The following RHCG variants were observed in gnomAD, a reference collection of about 807,000 sequenced individuals.
The protein encoded by RHCG is Rh family C glycoprotein.
In RHCG, 39 loss-of-function variants were observed where a neutral mutation model predicts 55.3. The observed-to-expected ratio is 0.70, with a 90% CI of 0.55 to 0.92. The LOEUF (loss-of-function observed/expected upper bound fraction) is 0.92, where lower values mean the gene tolerates loss of function less well. RHCG is among the 40% of genes least tolerant of loss of function. The pLI is 0.00. For synonymous variants in RHCG, 250 were observed against 246.8 expected (o/e 1.01, Z -0.12); for missense variants, 635 against 627.9 (o/e 1.01, Z -0.12).
Position 89,492,651 on chromosome 15 carries a change from C to T in RHCG, c.184+3710G>A, listed in dbSNP as rs1308290020. On this transcript the variant is annotated intron_variant, in intron 1 of 10. Transcript: ENST00000268122. ...CTGGCTGAGAGTGTCCAGCTCCTCT[C>T]GAACCTCCATTACCTCCATCATAAA... is the stretch of plus-strand genomic sequence containing the variant. Among the ~76,000 whole-genome samples, 4 of 152,336 alleles carry T rather than the reference C, an allele frequency of 2.6e-5. 1 individual carries two copies. The South Asian group carries it at 8.3e-4, about 32-fold the overall frequency.
chr15:89,481,451 G>GAA (rs796082927), intron 3 of RHCG, among the ~76,000 whole-genome samples: 4 of 129,880 alleles, frequency 3.1e-5, no homozygotes, highest in African/African-American at 5.7e-5. Context: ...CTCCATCTCA[G>GAA]AAAAAAAAAA....
rs60077597 is a variant in RHCG, at chr15:89,486,599, A to AGTGTGAGTGTGT, written c.371+199_371+200insACACACTCACAC. 4.6e-3 allele frequency: 1,201 copies of AGTGTGAGTGTGT among 263,858 alleles called. 10 individuals are homozygous for AGTGTGAGTGTGT. Among genetic ancestry groups the AGTGTGAGTGTGT allele is most frequent in the African/African-American group, 8.0e-3 (177 of 22,014 alleles). The allele number at this position is 263,858 out of a possible 1,614,324, so 16.3% of individuals were successfully genotyped here. On this transcript the variant is annotated intron_variant, in intron 2 of 10. Transcript: ENST00000268122. The stretch of plus-strand genomic sequence containing the variant: ...GAGAGAGAGAGAGAGAGAGAGAGAG[A>AGTGTGAGTGTGT]GTGTGTGTGTGTGTGTGTGTGTGTG...
At chr15:89,476,371 T>C (rs906689588) in intron 9 of RHCG, among the ~76,000 whole-genome samples, 1 of 152,166 alleles carries the variant, frequency 6.6e-6, no homozygotes, top group African/African-American at 2.4e-5. Flanking sequence ...CCCATGAGAA[T>C]TTGCATTTCT....
chr15:89,472,784 G>A lies in RHCG; in HGVS notation c.1391C>T (p.Pro464Leu). 1 of 1,564,558 alleles carries A rather than the reference G, an allele frequency of 6.4e-7. No individual in the cohort carries two copies. Among genetic ancestry groups the A allele is most frequent in the Non-Finnish European group, 8.7e-7 (1 of 1,154,274 alleles). ...KPSGPSVPSVPMVSPLPMASS... is the reference protein window; with the variant it reads ...KPSGPSVPSVLMVSPLPMASS... ...AGCCATGGGTAGTGGGGACACCATGGGTACTGAGGGTACTGAGGGTCCTGA... is the reference window on the plus strand; with the variant it reads ...AGCCATGGGTAGTGGGGACACCATGAGTACTGAGGGTACTGAGGGTCCTGA... Residue 464 changes from proline (P) to leucine (L), a missense_variant, in exon 10 of 11, where the codon CCC (proline) becomes CTC (leucine). Transcript: ENST00000268122.
intron 5 of RHCG, among the ~76,000 whole-genome samples, chr15:89,478,948 A>G (rs530629847): frequency 4.3e-4 from 65 of 152,180 alleles, no homozygotes; most frequent in Non-Finnish European, 7.9e-4. Flanking sequence ...AAAATTAGCT[A>G]ACTTAGCTGG....
Position 89,472,708 on chromosome 15 carries a change from C to G in RHCG, c.*24+3G>C. 1 of 1,610,104 alleles carries G rather than the reference C, an allele frequency of 6.2e-7. No homozygotes were observed. Among genetic ancestry groups the G allele is most frequent in the Non-Finnish European group, 8.5e-7 (1 of 1,178,044 alleles). On this transcript the variant is annotated splice_donor_region_variant and intron_variant, in intron 10 of 10. Coordinates refer to ENST00000268122, the MANE Select transcript of RHCG (RefSeq NM_016321.3). ...TCATCCCCCAAGCCAAGCCCATGCTCACCTGCTCCTCACCTGCCCTGGGAG... is the reference window on the plus strand; with the variant it reads ...TCATCCCCCAAGCCAAGCCCATGCTGACCTGCTCCTCACCTGCCCTGGGAG...
intron 1 of RHCG, among the ~76,000 whole-genome samples, chr15:89,490,870 C>G (rs1596408994): frequency 1.3e-5 from 2 of 152,056 alleles, no homozygotes; most frequent in South Asian, 4.2e-4. Context: ...CTGAGATTGG[C>G]CAGGCCTGCA....
chr15:89,476,936 C>T, intron 8 of RHCG, 108 bp from the exon 9 acceptor site: 1 of 1,540,178 alleles, frequency 6.5e-7, no homozygotes, highest in Non-Finnish European at 9.0e-7. Flanking sequence ...GGCTGAGTTC[C>T]AAATTGTCCC....
At position 89,486,964 on chromosome 15, in the gene RHCG, A is replaced by G; in HGVS notation, c.206T>C (p.Met69Thr). The G allele has an allele frequency of 1.9e-6, 3 of 1,601,820 alleles. No individual in the cohort carries two copies. The highest frequency in any genetic ancestry group is 2.6e-6 in the Non-Finnish European group (3 of 1,171,024). ...GAGGAAGCCGAAGCCCACGAAGACCATCACGTGCACGTCCTGGAAGCCTGC... is the reference window on the plus strand; with the variant it reads ...GAGGAAGCCGAAGCCCACGAAGACCGTCACGTGCACGTCCTGGAAGCCTGC... ...RYPSFQDVHVMVFVGFGFLMT... is the reference protein window; with the variant it reads ...RYPSFQDVHVTVFVGFGFLMT... Residue 69 changes from methionine to threonine, a missense_variant, in exon 2 of 11, where the codon ATG becomes ACG. Met to Thr is a moderately conservative substitution (Grantham distance 81, BLOSUM62 -1). Coordinates refer to ENST00000268122, the MANE Select transcript of RHCG (RefSeq NM_016321.3).
chr15:89,479,518 C>T (rs373540035), intron 4 of RHCG, 30 bp from the exon 5 acceptor site: 18 of 1,584,134 alleles, frequency 1.1e-5, no homozygotes, highest in African/African-American at 8.1e-5. Flanking sequence ...CCAATGGGCC[C>T]GGGAGGAGAG....
chr15:89,496,403 T>G lies in RHCG; in HGVS notation c.142A>C (p.Asn48His). The G allele has an allele frequency of 6.2e-7, 1 of 1,614,014 alleles. No homozygotes were observed. Among genetic ancestry groups the G allele is most frequent in the Non-Finnish European group, 8.5e-7 (1 of 1,179,960 alleles). ...AHWWSERTHKNLSDMENEFYY... is the reference protein window; with the variant it reads ...AHWWSERTHKHLSDMENEFYY... ...AATTCGTTCTCCATGTCGCTCAAGT[T>G]CTTGTGCGTCCTCTCTGACCACCAG... The change falls in exon 1 of 11, where the codon AAC becomes CAC. Residue 48 changes from asparagine (N) to histidine (H), a missense_variant. Coordinates refer to ENST00000268122, the MANE Select transcript of RHCG (RefSeq NM_016321.3).
At chr15:89,475,875 A>C (rs75842054) in intron 9 of RHCG, among the ~76,000 whole-genome samples, 1,572 of 152,292 alleles carry the variant, frequency 0.01, 37 homozygotes, top group African/African-American at 0.036. Context: ...GCTCAAATAC[A>C]GTGGTGCTTA....
At position 89,487,008 on chromosome 15, in the gene RHCG, G is replaced by A. The variant is rs925924076; in HGVS notation, c.185-23C>T. 1.2e-5 allele frequency: 18 copies of A among 1,534,404 alleles called. No homozygotes were observed. The Admixed American group carries it at 1.6e-4, about 14-fold the overall frequency. The stretch of plus-strand genomic sequence containing the variant: ...AGCCTGCGGGGACAGTGCAGCCCGG[G>A]ACTCGGTGGTCTGGCGAAGGTTCGT... On this transcript the variant is annotated intron_variant, in intron 1 of 10. Coordinates refer to ENST00000268122, the MANE Select transcript of RHCG (RefSeq NM_016321.3).
At position 89,478,018 on chromosome 15, in the gene RHCG, T is replaced by C. The variant is rs1195822648; in HGVS notation, c.838-44A>G. 2.6e-6 allele frequency: 4 copies of C among 1,563,406 alleles called. No individual in the cohort carries two copies. In the African/African-American group the frequency reaches 4.0e-5, roughly 16 times the overall value. ...GCAGGCAGGAACTCAGTCCTCTCCC[T>C]GGAGCACCGGGCCTGGAGGAGCTCA... On this transcript the variant is annotated intron_variant, in intron 5 of 10. Coordinates refer to ENST00000268122, the MANE Select transcript of RHCG (RefSeq NM_016321.3).
chr15:89,485,930 T>C (rs1961350375), intron 2 of RHCG, among the ~76,000 whole-genome samples: 1 of 152,218 alleles, frequency 6.6e-6, no homozygotes, highest in South Asian at 2.1e-4. Context: ...ATTGATTTTT[T>C]TGGCAAGTTG....
At position 89,479,299 on chromosome 15, in the gene RHCG, A is replaced by G. The variant is rs577570100; in HGVS notation, c.837+23T>C. ...TCCAGGCCCAGGCAGTCAGAGCCAC[A>G]CCCCCAACGCCCTCATGCTCACCAT... On this transcript the variant is annotated intron_variant, in intron 5 of 10. Coordinates refer to ENST00000268122, the MANE Select transcript of RHCG (RefSeq NM_016321.3). 1.6e-5 allele frequency: 26 copies of G among 1,602,120 alleles called. No individual in the cohort carries two copies. The South Asian group carries it at 2.5e-4, about 15-fold the overall frequency.
intron 1 of RHCG, among the ~76,000 whole-genome samples, chr15:89,488,483 C>G (rs1961414304): frequency 6.6e-6 from 1 of 152,114 alleles, no homozygotes; most frequent in Non-Finnish European, 1.5e-5. Flanking sequence ...AACATATTGA[C>G]TGGGTGATCA....
In RHCG at chr15:89,472,772, G is replaced by T; in HGVS notation, c.1403C>A (p.Pro468Gln). The T allele has an allele frequency of 6.3e-7, 1 of 1,587,088 alleles. No individual in the cohort carries two copies. Among genetic ancestry groups the T allele is most frequent in the Non-Finnish European group, 8.6e-7 (1 of 1,166,544 alleles). ...PSVPSVPMVS[P>Q]LPMASSVPLV... The stretch of plus-strand genomic sequence containing the variant: ...GGGTACCGAGGAAGCCATGGGTAGT[G>T]GGGACACCATGGGTACTGAGGGTAC... Residue 468 changes from proline (P) to glutamine (Q), a missense_variant, in exon 10 of 11, where the codon CCA becomes CAA. By Grantham distance (76) the Pro-to-Gln change is moderately conservative. Coordinates refer to ENST00000268122, the MANE Select transcript of RHCG (RefSeq NM_016321.3).
chr15:89,481,871 G>A (rs1359244312), intron 3 of RHCG, among the ~76,000 whole-genome samples: 10 of 151,846 alleles, frequency 6.6e-5, no homozygotes, highest in African/African-American at 2.2e-4. Context: ...GCGTGATCTC[G>A]GCTCACCACA....
Sources: gnomAD v4.1 joint callset for allele counts (sites outside exome capture counted in the v4.1 genomes callset) on GRCh38, gnomAD v4.1.1 for gene constraint, MANE v1.5 for transcripts, NCBI Gene and HGNC (gene_info 2026-07-23, HGNC 2026-07-21) for gene names.